The following LINGO2 variants were observed in gnomAD, a reference collection of about 807,000 sequenced individuals.
LINGO2 encodes leucine-rich repeat and immunoglobulin-like domain-containing nogo receptor-interacting protein 2.
LINGO2 carries 14 observed loss-of-function variants against 30.6 expected under a neutral mutation model. That is an observed-to-expected ratio of 0.46 (90% CI 0.30 to 0.72). The LOEUF (loss-of-function observed/expected upper bound fraction) is 0.72. Ranked by LOEUF, LINGO2 falls within the 30% of genes least tolerant of loss-of-function variation. LINGO2 has a pLI of 0.07. For missense variants in LINGO2, 729 were observed against 751.7 expected, an observed-to-expected ratio of 0.97 and a Z score of 0.35; for synonymous variants, 317 against 288.5, an observed-to-expected ratio of 1.10 and a Z score of -1.00.
At chr9:28,336,437 C>A (rs561069598) in intron 3 of LINGO2, among the ~76,000 whole-genome samples, 1 of 152,000 alleles carries the variant, frequency 6.6e-6, no homozygotes, top group Non-Finnish European at 1.5e-5. Flanking sequence ...CCAATTTATC[C>A]ATTTTTTCTT....
At chr9:28,835,082 T>C in the LINGO2 span, among the ~76,000 whole-genome samples, 1 of 152,120 alleles carries the variant, frequency 6.6e-6, no homozygotes. Flanking sequence ...TTAGACCTGC[T>C]CTCCATGAGG....
At chr9:28,243,191 C>T (rs1482375244) in intron 4 of LINGO2, among the ~76,000 whole-genome samples, 1 of 149,960 alleles carries the variant, frequency 6.7e-6, no homozygotes, top group South Asian at 2.2e-4. Context: ...GGTGTGGTAG[C>T]TCACGCCTGT....
chr9:28,035,768 A>G (rs757591441), intron 4 of LINGO2, among the ~76,000 whole-genome samples: 1 of 151,810 alleles, frequency 6.6e-6, no homozygotes, highest in Non-Finnish European at 1.5e-5. Context: ...TATGTTATGT[A>G]TTTTATGTAT....
intron 2 of LINGO2, among the ~76,000 whole-genome samples, chr9:28,435,877 A>G (rs1311007122): frequency 6.6e-6 from 1 of 152,224 alleles, no homozygotes; most frequent in Non-Finnish European, 1.5e-5. Flanking sequence ...TGTTGGATAA[A>G]TCAATAGAAA....
chr9:27,951,207 A>G (rs1317434686), intron 5 of LINGO2, among the ~76,000 whole-genome samples: 1 of 152,228 alleles, frequency 6.6e-6, no homozygotes, highest in Non-Finnish European at 1.5e-5. Context: ...TGCAACATAC[A>G]AAACAAACTT....
intron 4 of LINGO2, among the ~76,000 whole-genome samples, chr9:28,028,912 C>A (rs1442719781): frequency 2.0e-5 from 3 of 152,030 alleles, no homozygotes; most frequent in South Asian, 2.1e-4. Flanking sequence ...CTCTTCTGAG[C>A]CTATGGAACC....
At chr9:28,781,634 C>T in the LINGO2 span, among the ~76,000 whole-genome samples, 1 of 152,146 alleles carries the variant, frequency 6.6e-6, no homozygotes, top group Non-Finnish European at 1.5e-5. Context: ...ATTTTATTGG[C>T]ATCATATAGT....
the LINGO2 span, among the ~76,000 whole-genome samples, chr9:29,153,511 A>G: frequency 6.6e-6 from 1 of 152,186 alleles, no homozygotes; most frequent in African/African-American, 2.4e-5. Context: ...AAAGTTTTTT[A>G]TTATTTGTTT....
Position 28,090,518 on chromosome 9 carries a change from T to C in LINGO2, c.-86-78113A>G, listed in dbSNP as rs567217744. 8.4e-4 allele frequency among the ~76,000 whole-genome samples: 128 copies of C among 152,308 alleles called. 1 individual carries two copies. Among genetic ancestry groups the C allele is most frequent in the Middle Eastern group, 3.4e-3 (1 of 294 alleles). The stretch of plus-strand genomic sequence containing the variant: ...GGCCTTTGACAAAATTCAACAGCCC[T>C]TCATGCTAAAAACGCTCAATAAATT... On this transcript the variant is annotated intron_variant, in intron 4 of 5. Transcript: ENST00000379992.
chr9:28,106,455 G>C (rs964498275), intron 4 of LINGO2, among the ~76,000 whole-genome samples: 2 of 152,046 alleles, frequency 1.3e-5, no homozygotes, highest in African/African-American at 4.8e-5. Context: ...CCACCCCTAG[G>C]GGATACCATG....
chr9:28,136,363 C>T (rs866238812), intron 4 of LINGO2, among the ~76,000 whole-genome samples: 10 of 152,214 alleles, frequency 6.6e-5, no homozygotes, highest in Non-Finnish European at 1.5e-4. Flanking sequence ...ATACAGGACA[C>T]TATCCAGGTT....
rs527582422 is a variant in LINGO2 at position 28,099,120 on chromosome 9, G to A, written c.-86-86715C>T. Among the ~76,000 whole-genome samples, 6 of 152,180 alleles carry A rather than the reference G, an allele frequency of 3.9e-5. No homozygotes were observed. The East Asian group carries it at 1.2e-3, about 29-fold the overall frequency. ...AGTAGCAATAACATTAGTATTACTA[G>A]TTAAATTAACATAATATCTGAAAGC... On this transcript the variant is annotated intron_variant, in intron 4 of 5. Transcript: ENST00000379992.
At chr9:28,921,592 G>A in the LINGO2 span, among the ~76,000 whole-genome samples, 1 of 152,186 alleles carries the variant, frequency 6.6e-6, no homozygotes. Flanking sequence ...AGACTATGCA[G>A]AAAACAGGGA....
intron 2 of LINGO2, among the ~76,000 whole-genome samples, chr9:28,451,342 T>G (rs575363431): frequency 2.6e-5 from 4 of 151,984 alleles, no homozygotes; most frequent in Admixed American, 1.3e-4. Context: ...AATGCTTATC[T>G]CACTTCTCAG....
At chr9:28,468,574 A>C (rs1403052494) in intron 2 of LINGO2, among the ~76,000 whole-genome samples, 1 of 152,180 alleles carries the variant, frequency 6.6e-6, no homozygotes, top group Non-Finnish European at 1.5e-5. Context: ...GAAACATAAC[A>C]GGGTCTGTGA....
chr9:29,018,321 G>T, the LINGO2 span, among the ~76,000 whole-genome samples: 7 of 151,610 alleles, frequency 4.6e-5, no homozygotes, highest in East Asian at 1.4e-3. Flanking sequence ...GGGAGAAAGG[G>T]GAGCATGGGC....
At chr9:28,305,063 G>C (rs1393766855) in intron 3 of LINGO2, among the ~76,000 whole-genome samples, 1 of 151,960 alleles carries the variant, frequency 6.6e-6, no homozygotes, top group Non-Finnish European at 1.5e-5. Context: ...AAAGAGATTT[G>C]CTTCATACAA....
At chr9:27,948,604 T>A in exon 6 of LINGO2, 1 of 429,838 alleles carries the variant, frequency 2.3e-6, no homozygotes, top group Non-Finnish European at 4.1e-6. Flanking sequence ...ATTACTGAGA[T>A]CCCCAGAACG....
At chr9:28,898,866 C>T in the LINGO2 span, among the ~76,000 whole-genome samples, 1 of 152,086 alleles carries the variant, frequency 6.6e-6, no homozygotes, top group African/African-American at 2.4e-5. Flanking sequence ...CTCAAACCCC[C>T]ATGACATGAG....
Sources: gnomAD v4.1 joint callset for allele counts (sites outside exome capture counted in the v4.1 genomes callset) on GRCh38, gnomAD v4.1.1 for gene constraint, MANE v1.5 for transcripts, NCBI Gene and HGNC (gene_info 2026-07-23, HGNC 2026-07-21) for gene names.